FBXO4: variants seen among roughly 807,000 people sequenced by gnomAD.
The protein encoded by FBXO4 is F-box protein 4.
FBXO4 carries 36 observed loss-of-function variants against 43.7 expected under a neutral mutation model. The ratio of observed to expected loss-of-function variants is 0.82; its 90% confidence interval spans 0.63 to 1.09. The LOEUF (loss-of-function observed/expected upper bound fraction) is 1.09, where lower values mean the gene tolerates loss of function less well. FBXO4 is among the 50% of genes least tolerant of loss of function. The pLI, the probability that FBXO4 is intolerant of heterozygous loss-of-function variation, is 0.00. For missense variants in FBXO4, 435 were observed against 474.1 expected (o/e 0.92, Z 0.77); for synonymous variants, 180 against 165.6 (o/e 1.09, Z -0.67).
chr5:41,961,368 T>C, the FBXO4 span, among the ~76,000 whole-genome samples: 1 of 152,148 alleles, frequency 6.6e-6, no homozygotes, highest in African/African-American at 2.4e-5. Context: ...CCCACTCAAG[T>C]TGGCAGTGGC....
At chr5:42,015,377 G>C in the FBXO4 span, among the ~76,000 whole-genome samples, 1 of 152,176 alleles carries the variant, frequency 6.6e-6, no homozygotes, top group African/African-American at 2.4e-5. Context: ...AGTTAATTCA[G>C]GGAGGAGTTG....
Position 41,930,493 on chromosome 5 carries a change from A to G in FBXO4, c.646+576A>G, listed in dbSNP as rs536647988. Among the ~76,000 whole-genome samples, 5 of 152,346 alleles carry G rather than the reference A, an allele frequency of 3.3e-5. No individual in the cohort carries two copies. The East Asian group carries it at 9.7e-4, about 29-fold the overall frequency. On this transcript the variant is annotated intron_variant, in intron 3 of 6. Transcript: ENST00000281623. The stretch of plus-strand genomic sequence containing the variant: ...TAGGTGAGGACATAGACAAGTGTAC[A>G]GATAACTAGAATATGATGTATTTAG...
At chr5:41,994,096 A>C in the FBXO4 span, among the ~76,000 whole-genome samples, 1 of 152,208 alleles carries the variant, frequency 6.6e-6, no homozygotes, top group African/African-American at 2.4e-5. Context: ...TCCTGAGATC[A>C]TACATAGTCT....
the FBXO4 span, among the ~76,000 whole-genome samples, chr5:41,953,987 A>G: frequency 6.6e-6 from 1 of 152,224 alleles, no homozygotes; most frequent in Non-Finnish European, 1.5e-5. Flanking sequence ...ATTCAAGGTT[A>G]TTAAATTCTA....
intron 3 of FBXO4, 27 bp from the exon 4 acceptor site, chr5:41,933,919 T>G: frequency 6.3e-7 from 1 of 1,575,456 alleles, no homozygotes; most frequent in Non-Finnish European, 8.7e-7. Flanking sequence ...AATGATTTGT[T>G]TTGGTAACTG....
the FBXO4 span, among the ~76,000 whole-genome samples, chr5:42,035,921 T>G: frequency 6.6e-6 from 1 of 152,116 alleles, no homozygotes; most frequent in Non-Finnish European, 1.5e-5. Context: ...AAATACAAAC[T>G]GAGTTTAAAC....
At chr5:41,995,791 T>G in the FBXO4 span, among the ~76,000 whole-genome samples, 1 of 152,202 alleles carries the variant, frequency 6.6e-6, no homozygotes, top group Admixed American at 6.5e-5. Context: ...TTCTTCCAAG[T>G]CCCTCACCAT....
At chr5:41,992,579 C>CAA in the FBXO4 span, among the ~76,000 whole-genome samples, 1 of 152,152 alleles carries the variant, frequency 6.6e-6, no homozygotes, top group Non-Finnish European at 1.5e-5. Flanking sequence ...TTGGGGACAG[C>CAA]AATGGTCTCT....
chr5:41,934,897 T>C, intron 5 of FBXO4: 5 of 984,820 alleles, frequency 5.1e-6, no homozygotes, highest in Non-Finnish European at 6.0e-6. Flanking sequence ...ATAATATCTT[T>C]CCCAAATCCT....
At chr5:42,003,031 T>C in the FBXO4 span, among the ~76,000 whole-genome samples, 1,759 of 152,332 alleles carry the variant, frequency 0.012, 78 homozygotes, top group Admixed American at 0.074. Context: ...TAATTGGATA[T>C]GTTTTTGTAA....
chr5:41,995,055 T>C, the FBXO4 span, among the ~76,000 whole-genome samples: 750 of 152,230 alleles, frequency 4.9e-3, 7 homozygotes, highest in African/African-American at 0.017. Flanking sequence ...GCGTTGTAAT[T>C]GTAACTTCAA....
the FBXO4 span, among the ~76,000 whole-genome samples, chr5:41,998,816 T>C: frequency 1.3e-5 from 2 of 152,172 alleles, no homozygotes; most frequent in African/African-American, 4.8e-5. Context: ...GATAAGAGCT[T>C]GTGTCTATTT....
the FBXO4 span, among the ~76,000 whole-genome samples, chr5:42,010,278 T>C: frequency 6.6e-6 from 1 of 152,032 alleles, no homozygotes; most frequent in African/African-American, 2.4e-5. Context: ...GGTGGGTGGA[T>C]CACTAGGTCA....
the FBXO4 span, among the ~76,000 whole-genome samples, chr5:42,020,813 T>C: frequency 2.0e-5 from 3 of 152,222 alleles, no homozygotes; most frequent in South Asian, 4.1e-4. Flanking sequence ...CAATACCCAC[T>C]TGAAAAAGCA....
chr5:42,037,736 T>C, the FBXO4 span, among the ~76,000 whole-genome samples: 84 of 152,200 alleles, frequency 5.5e-4, no homozygotes, highest in African/African-American at 1.9e-3. Context: ...GGAAGCTGAC[T>C]CAGCAAAGAA....
At chr5:42,018,947 G>T in the FBXO4 span, among the ~76,000 whole-genome samples, 1 of 152,154 alleles carries the variant, frequency 6.6e-6, no homozygotes, top group Non-Finnish European at 1.5e-5. Flanking sequence ...TCAGCATCTT[G>T]TCATTCAGTG....
intron 5 of FBXO4, among the ~76,000 whole-genome samples, chr5:41,938,118 G>A (rs546241520): frequency 6.6e-6 from 1 of 152,050 alleles, no homozygotes; most frequent in East Asian, 1.9e-4. Flanking sequence ...TGGAAACAAT[G>A]GAGCTATATA....
downstream of FBXO4, among the ~76,000 whole-genome samples, chr5:41,942,429 T>TA (rs1359218278): frequency 5.1e-3 from 777 of 152,162 alleles, 7 homozygotes; most frequent in African/African-American, 0.018. Flanking sequence ...CTATCTTTTT[T>TA]TAAAATGGCA....
chr5:41,961,565 G>A, the FBXO4 span, among the ~76,000 whole-genome samples: 2 of 152,202 alleles, frequency 1.3e-5, no homozygotes, highest in African/African-American at 4.8e-5. Context: ...CAGCCATAGA[G>A]TTAAGCATGG....
Sources: gnomAD v4.1 joint callset for allele counts (sites outside exome capture counted in the v4.1 genomes callset) on GRCh38, gnomAD v4.1.1 for gene constraint, MANE v1.5 for transcripts, NCBI Gene and HGNC (gene_info 2026-07-23, HGNC 2026-07-21) for gene names.